The following CARMIL1 variants were observed in gnomAD, a reference collection of about 807,000 sequenced individuals.
CARMIL1 encodes F-actin-uncapping protein LRRC16A.
CARMIL1 carries 90 observed loss-of-function variants against 177.1 expected under a neutral mutation model. The ratio of observed to expected loss-of-function variants is 0.51; its 90% confidence interval spans 0.43 to 0.61. The LOEUF (loss-of-function observed/expected upper bound fraction) is 0.61. Ranked by LOEUF, CARMIL1 falls within the 20% of genes least tolerant of loss-of-function variation. CARMIL1 has a pLI of 0.00. For synonymous variants in CARMIL1, 577 were observed against 606.2 expected, an observed-to-expected ratio of 0.95 and a Z score of 0.71; for missense variants, 1,380 against 1,667.0, an observed-to-expected ratio of 0.83 and a Z score of 3.00.
chr6:25,336,542 A>G (rs1331549199), intron 2 of CARMIL1, among the ~76,000 whole-genome samples: 1 of 152,162 alleles, frequency 6.6e-6, no homozygotes, highest in East Asian at 1.9e-4. Context: ...TCTCATCTCT[A>G]ATTAATAGTA....
At chr6:25,285,682 CAT>C (rs1242680647) in intron 2 of CARMIL1, among the ~76,000 whole-genome samples, 2 of 152,114 alleles carry the variant, frequency 1.3e-5, no homozygotes, top group African/African-American at 4.8e-5. Flanking sequence ...TATTTTCAAA[CAT>C]ATGCAAAAAG....
intron 2 of CARMIL1, among the ~76,000 whole-genome samples, 200 bp from the exon 3 acceptor site, chr6:25,419,914 A>T (rs1432181868): frequency 1.3e-5 from 2 of 152,172 alleles, no homozygotes; most frequent in African/African-American, 4.8e-5. Flanking sequence ...TTCTAAAAGA[A>T]CTTTGATACA....
intron 8 of CARMIL1, among the ~76,000 whole-genome samples, chr6:25,463,045 A>C (rs562371321): frequency 3.9e-5 from 6 of 152,336 alleles, no homozygotes; most frequent in South Asian, 2.1e-4. Context: ...CTTAGTCTCC[A>C]TCCTCCTCAT....
chr6:25,575,145 G>T (rs1461955035), intron 29 of CARMIL1, among the ~76,000 whole-genome samples: 1 of 152,190 alleles, frequency 6.6e-6, no homozygotes, highest in Non-Finnish European at 1.5e-5. Context: ...TTCATGCCCA[G>T]TTCTTGGATG....
intron 29 of CARMIL1, among the ~76,000 whole-genome samples, chr6:25,578,367 G>A (rs555602554): frequency 1.9e-4 from 29 of 152,286 alleles, no homozygotes; most frequent in South Asian, 4.1e-4. Context: ...TTGGGGAGGG[G>A]AGGAGGAAGG....
chr6:25,487,361 C>T (rs1002452132), intron 12 of CARMIL1, among the ~76,000 whole-genome samples: 1 of 152,048 alleles, frequency 6.6e-6, no homozygotes, highest in African/African-American at 2.4e-5. Flanking sequence ...AGGGTCTGCC[C>T]AAATGTGGAG....
In CARMIL1 at chr6:25,516,897, A is replaced by C. The variant is rs117065762; in HGVS notation, c.1806-450A>C. Among the ~76,000 whole-genome samples the C allele has an allele frequency of 2.8e-4, 43 of 152,340 alleles. No individual in the cohort carries two copies. In the East Asian group the frequency reaches 7.3e-3, roughly 26 times the overall value. ...TATGACAGATTCTCTCTAGTGTTTT[A>C]GAAACACTAGTGTTTTACTGTTTGG... On this transcript the variant is annotated intron_variant, in intron 21 of 36. Transcript: ENST00000329474.
chr6:25,292,183 C>T (rs940531054), intron 2 of CARMIL1, among the ~76,000 whole-genome samples: 1 of 152,202 alleles, frequency 6.6e-6, no homozygotes, highest in Non-Finnish European at 1.5e-5. Flanking sequence ...CGCTCTTGTA[C>T]CAGTTGTTGG....
chr6:25,492,039 C>G lies in CARMIL1; in HGVS notation c.1220+15C>G, dbSNP rs1287736431. 3 of 1,606,526 alleles carry G rather than the reference C, an allele frequency of 1.9e-6. No individual in the cohort carries two copies. The highest frequency in any genetic ancestry group is 2.6e-6 in the Non-Finnish European group (3 of 1,174,424). On this transcript the variant is annotated intron_variant, in intron 15 of 36. Transcript: ENST00000329474. ...TTCTCTCACCGGTATAGATTTATTT[C>G]TGCTCTCATTGTCATCTGGAAGTGT...
rs192921661 is a variant in CARMIL1 at position 25,589,979 on chromosome 6, G to A, written c.3007-4436G>A. On this transcript the variant is annotated intron_variant, in intron 31 of 36. Transcript: ENST00000329474. ...ATGCAGCAGGGAATCTAAACTACCCGGAAGTCCTAGTATACTTCCAGTTGC... is the reference window on the plus strand; with the variant it reads ...ATGCAGCAGGGAATCTAAACTACCCAGAAGTCCTAGTATACTTCCAGTTGC... Among the ~76,000 whole-genome samples, 17 of 152,214 alleles carry A rather than the reference G, an allele frequency of 1.1e-4. No individual in the cohort carries two copies. The East Asian group carries it at 1.2e-3, about 10-fold the overall frequency.
chr6:25,454,905 C>T (rs1420284732), intron 8 of CARMIL1, among the ~76,000 whole-genome samples: 1 of 147,674 alleles, frequency 6.8e-6, no homozygotes, highest in African/African-American at 2.7e-5. Flanking sequence ...TATTCTCTTA[C>T]CTCTACTGGT....
chr6:25,617,895 A>G (rs1037755557), intron 36 of CARMIL1, among the ~76,000 whole-genome samples: 3 of 152,192 alleles, frequency 2.0e-5, no homozygotes, highest in Admixed American at 6.5e-5. Flanking sequence ...ACAGAGCAAG[A>G]CCCTGTTTCT....
chr6:25,427,022 G>A (rs965034732), intron 4 of CARMIL1, among the ~76,000 whole-genome samples: 5 of 152,156 alleles, frequency 3.3e-5, no homozygotes, highest in African/African-American at 1.2e-4. Context: ...GTATGACTCT[G>A]TCTTCGCCCT....
At chr6:25,510,797 CTG>C (rs1356374631) in intron 20 of CARMIL1, 35 bp downstream of exon 20, 1 of 1,257,238 alleles carries the variant, frequency 8.0e-7, no homozygotes, top group Non-Finnish European at 1.1e-6. Flanking sequence ...CTAAAATCTT[CTG>C]TTTGTTGCCA....
Position 25,495,132 on chromosome 6 carries a change from A to G in CARMIL1, c.1242A>G (p.Pro414=), listed in dbSNP as rs764358684. Residue 414 remains proline, a synonymous_variant, in exon 16 of 37, where the codon CCA becomes CCG. Transcript: ENST00000329474. The stretch of plus-strand genomic sequence containing the variant: ...TCAGGAAAGGAAAAGAAGTACCTCC[A>G]TCTTTCAAGCAATTTTTTAGTAGTT... The part of the protein sequence containing the change: ...FSHRKGKEVP[P]SFKQFFSSSL... 32 of 1,612,120 alleles carry G rather than the reference A, an allele frequency of 2.0e-5. No homozygotes were observed. The South Asian group carries it at 3.5e-4, about 18-fold the overall frequency.
At chr6:25,451,016 C>T (rs68183655) in intron 8 of CARMIL1, among the ~76,000 whole-genome samples, 22,134 of 38,814 alleles carry the variant, frequency 0.57, 7,371 homozygotes, top group East Asian at 0.73. Flanking sequence ...CTCCCCTCTC[C>T]CCTCTCTTCT....
rs769275102 is a variant in CARMIL1 at position 25,553,997 on chromosome 6, A to G, written c.2505-12A>G. 1 of 1,571,294 alleles carries G rather than the reference A, an allele frequency of 6.4e-7. No individual in the cohort carries two copies. Among genetic ancestry groups the G allele is most frequent in the South Asian group, 1.2e-5 (1 of 86,222 alleles). ...ATTAAAATGGTACTCTGTCCTTTTG[A>G]TTTTCACACAGTGAAGTAAAATTGA... On this transcript the variant is annotated splice_polypyrimidine_tract_variant and intron_variant, in intron 27 of 36. Transcript: ENST00000329474.
intron 23 of CARMIL1, among the ~76,000 whole-genome samples, chr6:25,526,565 T>A (rs1298804050): frequency 6.6e-6 from 1 of 151,694 alleles, no homozygotes; most frequent in Non-Finnish European, 1.5e-5. Context: ...TTTTTTTTTT[T>A]CTTCTGAGAC....
chr6:25,541,246 C>G (rs1042058029), intron 26 of CARMIL1, among the ~76,000 whole-genome samples: 23 of 152,142 alleles, frequency 1.5e-4, no homozygotes, highest in Non-Finnish European at 3.1e-4. Flanking sequence ...GGTAGTGTCT[C>G]TGTTAATATC....
Sources: allele counts gnomAD v4.1 joint callset (sites outside exome capture counted in the v4.1 genomes callset), GRCh38; gene constraint gnomAD v4.1.1; transcripts MANE v1.5; gene names NCBI Gene and HGNC (gene_info 2026-07-23, HGNC 2026-07-21).